The following LRRC4C variants were observed in gnomAD, a reference collection of about 807,000 sequenced individuals.
LRRC4C encodes leucine rich repeat containing 4C.
A neutral mutation model predicts 33.6 loss-of-function variants in LRRC4C; 5 were observed. The ratio of observed to expected loss-of-function variants is 0.15; its 90% confidence interval spans 0.08 to 0.31. LRRC4C has a LOEUF of 0.31. LRRC4C is among the 10% of genes least tolerant of loss of function. The probability of loss-of-function intolerance (pLI) is 1.00; values close to 1 mark genes in which losing one functional copy is unlikely to be tolerated. For synonymous variants in LRRC4C, 329 were observed against 302.0 expected (o/e 1.09, Z -0.93); for missense variants, 560 against 796.7 (o/e 0.70, Z 3.58).
At chr11:41,345,754 C>T (rs1030577910) in intron 1 of LRRC4C, among the ~76,000 whole-genome samples, 6 of 152,004 alleles carry the variant, frequency 3.9e-5, no homozygotes, top group Admixed American at 2.0e-4. Context: ...TCAGAGTCTC[C>T]GCACTAGATA....
intron 1 of LRRC4C, among the ~76,000 whole-genome samples, chr11:41,349,215 C>T (rs1485412606): frequency 6.6e-6 from 1 of 152,082 alleles, no homozygotes; most frequent in Non-Finnish European, 1.5e-5. Flanking sequence ...TATCTAATAG[C>T]CAGAGAACTT....
intron 5 of LRRC4C, among the ~76,000 whole-genome samples, chr11:40,209,613 G>A (rs1440847634): frequency 6.6e-6 from 1 of 152,046 alleles, no homozygotes; most frequent in Non-Finnish European, 1.5e-5. Flanking sequence ...TGCGATCTCG[G>A]CTCACGGCAA....
intron 3 of LRRC4C, among the ~76,000 whole-genome samples, chr11:40,361,594 G>T (rs1947951969): frequency 6.6e-6 from 1 of 152,116 alleles, no homozygotes; most frequent in Admixed American, 6.6e-5. Context: ...ACTGCTCAAA[G>T]AAATCAGAGA....
intron 2 of LRRC4C, among the ~76,000 whole-genome samples, chr11:40,672,381 A>C (rs1250030430): frequency 2.0e-5 from 3 of 152,226 alleles, no homozygotes; most frequent in Non-Finnish European, 4.4e-5. Flanking sequence ...TTAGAATTTC[A>C]GCATATGAAT....
At chr11:40,830,444 T>A (rs1389366343) in intron 2 of LRRC4C, among the ~76,000 whole-genome samples, 1 of 152,090 alleles carries the variant, frequency 6.6e-6, no homozygotes, top group Non-Finnish European at 1.5e-5. Flanking sequence ...TGTTTTAGGT[T>A]TTCTAAGAGA....
In LRRC4C at chr11:40,956,336, G is replaced by C. The variant is rs1396513371; in HGVS notation, c.-495-22613C>G. On this transcript the variant is annotated intron_variant, in intron 1 of 6. Coordinates refer to ENST00000528697, the MANE Select transcript of LRRC4C (RefSeq NM_001258419.2). ...CTTATAAATTACGAGCAAACATTCT[G>C]CCTAAGTCTCAGTGATTTAGGTAGT... is the stretch of plus-strand genomic sequence containing the variant. Among the ~76,000 whole-genome samples the C allele has an allele frequency of 3.3e-5, 5 of 151,728 alleles. No individual in the cohort carries two copies. In the East Asian group the frequency reaches 9.7e-4, roughly 29 times the overall value.
chr11:40,296,357 A>G (rs559809863), intron 4 of LRRC4C, among the ~76,000 whole-genome samples: 1 of 152,246 alleles, frequency 6.6e-6, no homozygotes, highest in Admixed American at 6.5e-5. Context: ...CACTTTTCTC[A>G]TATATATCAC....
At chr11:41,310,817 G>A (rs1341863725) in intron 1 of LRRC4C, among the ~76,000 whole-genome samples, 1 of 152,020 alleles carries the variant, frequency 6.6e-6, no homozygotes, top group East Asian at 1.9e-4. Context: ...TCCATTTTAA[G>A]ATAAAAATAA....
chr11:41,216,851 TATAAAAGAAA>T (rs1386824128), intron 1 of LRRC4C, among the ~76,000 whole-genome samples: 23 of 152,198 alleles, frequency 1.5e-4, no homozygotes, highest in African/African-American at 5.5e-4. Context: ...AATAATAAAC[TATAAAAGAAA>T]AACAATTTAG....
intron 1 of LRRC4C, among the ~76,000 whole-genome samples, chr11:40,965,606 C>T (rs1358009946): frequency 6.6e-6 from 1 of 152,130 alleles, no homozygotes; most frequent in Non-Finnish European, 1.5e-5. Flanking sequence ...GTTTTCCCAG[C>T]ACCATTTATT....
intron 3 of LRRC4C, among the ~76,000 whole-genome samples, chr11:40,358,370 T>C (rs1947779790): frequency 1.3e-5 from 2 of 151,986 alleles, no homozygotes; most frequent in Admixed American, 6.6e-5. Flanking sequence ...AAGCTTCACC[T>C]CCGGGGCTTA....
intron 3 of LRRC4C, among the ~76,000 whole-genome samples, chr11:40,606,057 C>T (rs1443959692): frequency 6.6e-6 from 1 of 152,116 alleles, no homozygotes; most frequent in Admixed American, 6.5e-5. Flanking sequence ...GAGAACAAAA[C>T]AGCTTGGTTG....
At chr11:41,314,188 G>A (rs1047592644) in intron 1 of LRRC4C, among the ~76,000 whole-genome samples, 1 of 152,136 alleles carries the variant, frequency 6.6e-6, no homozygotes, top group Non-Finnish European at 1.5e-5. Context: ...GAGAACAAAT[G>A]ATGTGGGAGT....
chr11:40,178,211 G>T (rs1860678506), intron 5 of LRRC4C, among the ~76,000 whole-genome samples: 1 of 152,196 alleles, frequency 6.6e-6, no homozygotes, highest in African/African-American at 2.4e-5. Context: ...AGCTTCCAAA[G>T]AGTCTGGAAA....
chr11:40,845,316 T>C (rs1268565649), intron 2 of LRRC4C, among the ~76,000 whole-genome samples: 1 of 152,098 alleles, frequency 6.6e-6, no homozygotes, highest in Non-Finnish European at 1.5e-5. Context: ...GCCACCTACA[T>C]GTCGACAGGC....
At chr11:40,996,288 T>G (rs977075078) in intron 1 of LRRC4C, among the ~76,000 whole-genome samples, 1 of 152,110 alleles carries the variant, frequency 6.6e-6, no homozygotes, top group Non-Finnish European at 1.5e-5. Flanking sequence ...TTTTCTCTGC[T>G]CTTGTCCCAG....
intron 1 of LRRC4C, among the ~76,000 whole-genome samples, chr11:41,406,053 G>A (rs1474689458): frequency 3.9e-5 from 6 of 152,076 alleles, no homozygotes. Context: ...ATTTGATGTA[G>A]TGAAGTTGCA....
intron 2 of LRRC4C, among the ~76,000 whole-genome samples, chr11:40,891,335 A>G (rs1229948315): frequency 6.6e-6 from 1 of 152,298 alleles, no homozygotes; most frequent in South Asian, 2.1e-4. Context: ...TTCATAGGAC[A>G]TTTCAATTGA....
chr11:40,348,634 G>A (rs903155564), intron 3 of LRRC4C, among the ~76,000 whole-genome samples: 1 of 152,086 alleles, frequency 6.6e-6, no homozygotes, highest in Admixed American at 6.6e-5. Context: ...TTAGACAACA[G>A]CTAATGAGCC....
Sources: allele counts gnomAD v4.1 joint callset (sites outside exome capture counted in the v4.1 genomes callset), GRCh38; gene constraint gnomAD v4.1.1; transcripts MANE v1.5; gene names NCBI Gene and HGNC (gene_info 2026-07-23, HGNC 2026-07-21).